KAZN: variants seen among roughly 807,000 people sequenced by gnomAD.
The protein encoded by KAZN is kazrin.
KAZN carries 40 observed loss-of-function variants against 87.4 expected under a neutral mutation model. The ratio of observed to expected loss-of-function variants is 0.46; its 90% confidence interval spans 0.36 to 0.60. KAZN has a LOEUF of 0.60. KAZN is among the 20% of genes least tolerant of loss of function. KAZN has a pLI of 0.00. For synonymous variants in KAZN, 466 were observed against 458.3 expected (o/e 1.02, Z -0.22); for missense variants, 898 against 1,073.9 (o/e 0.84, Z 2.29).
intron 2 of KAZN, among the ~76,000 whole-genome samples, chr1:14,477,155 G>A (rs1423772221): frequency 6.6e-6 from 1 of 152,062 alleles, no homozygotes; most frequent in Non-Finnish European, 1.5e-5. Flanking sequence ...TATGGGGGTG[G>A]GCCTTTCCTG....
intron 8 of KAZN, among the ~76,000 whole-genome samples, chr1:15,082,532 C>G (rs1640054450): frequency 1.3e-5 from 2 of 152,230 alleles, no homozygotes; most frequent in South Asian, 4.1e-4. Context: ...AGCACTAAGT[C>G]TTTCCCATAG....
chr1:14,240,984 A>G (rs1648886439), intron 2 of KAZN, among the ~76,000 whole-genome samples: 1 of 152,226 alleles, frequency 6.6e-6, no homozygotes, highest in African/African-American at 2.4e-5. Context: ...AACTTCTTCA[A>G]GTCTTCATTG....
In KAZN at chr1:14,678,287, G is replaced by A. The variant is rs891187484; in HGVS notation, c.226+79064G>A. Among the ~76,000 whole-genome samples, 15 of 152,134 alleles carry A rather than the reference G, an allele frequency of 9.9e-5. No homozygotes were observed. The South Asian group carries it at 1.2e-3, about 13-fold the overall frequency. On this transcript the variant is annotated intron_variant, in intron 1 of 14. Coordinates refer to ENST00000376030, the MANE Select transcript of KAZN (RefSeq NM_201628.3). ...AAGAAGCTGACTTGCTGAGTCTTCC[G>A]GCCTTCATCTTTCTCCCGTACTGGA...
intron 1 of KAZN, among the ~76,000 whole-genome samples, chr1:13,968,972 C>CT (rs1325454537): frequency 2.0e-5 from 3 of 152,284 alleles, no homozygotes; most frequent in African/African-American, 7.2e-5. Flanking sequence ...TAATAAGTAT[C>CT]TCAACTTATC....
intron 1 of KAZN, among the ~76,000 whole-genome samples, chr1:14,905,714 C>T (rs962007420): frequency 2.0e-5 from 3 of 151,128 alleles, no homozygotes; most frequent in East Asian, 3.9e-4. Flanking sequence ...CATGGTGGCA[C>T]GTGCCTGTAA....
At chr1:14,227,246 A>T (rs2100525251) in intron 2 of KAZN, among the ~76,000 whole-genome samples, 1 of 152,112 alleles carries the variant, frequency 6.6e-6, no homozygotes, top group South Asian at 2.1e-4. Context: ...CACAAACTAG[A>T]CCTCAGTGGC....
intron 2 of KAZN, among the ~76,000 whole-genome samples, chr1:15,002,210 C>A (rs902194909): frequency 2.6e-5 from 4 of 152,188 alleles, no homozygotes; most frequent in Non-Finnish European, 5.9e-5. Context: ...CGGTCACAGT[C>A]CTGTTCTTTC....
At chr1:14,592,579 T>A (rs750117651) in intron 2 of KAZN, among the ~76,000 whole-genome samples, 1 of 152,178 alleles carries the variant, frequency 6.6e-6, no homozygotes, top group Non-Finnish European at 1.5e-5. Context: ...GTGGTCTTCA[T>A]CTTCGCTTCG....
chr1:14,437,867 G>T (rs1195678045), intron 2 of KAZN, among the ~76,000 whole-genome samples: 1 of 152,094 alleles, frequency 6.6e-6, no homozygotes. Context: ...CAAAGAAAAT[G>T]AGAAAGAAAA....
intron 1 of KAZN, among the ~76,000 whole-genome samples, chr1:14,168,907 G>A (rs1645890338): frequency 6.6e-6 from 1 of 152,186 alleles, no homozygotes; most frequent in Admixed American, 6.5e-5. Context: ...TTCAGTAAGT[G>A]CTTAATAAAT....
At chr1:14,833,713 G>C (rs917921274) in intron 1 of KAZN, among the ~76,000 whole-genome samples, 3 of 152,112 alleles carry the variant, frequency 2.0e-5, no homozygotes, top group Admixed American at 6.5e-5. Context: ...AGCATGAGTG[G>C]TGACCAGGAG....
chr1:14,080,003 C>T (rs1237745109), intron 1 of KAZN, among the ~76,000 whole-genome samples: 1 of 149,370 alleles, frequency 6.7e-6, no homozygotes, highest in African/African-American at 2.5e-5. Flanking sequence ...TTCATGATCC[C>T]ATCAACTCTC....
intron 2 of KAZN, among the ~76,000 whole-genome samples, chr1:14,423,568 C>A (rs1557711785): frequency 6.6e-6 from 1 of 152,138 alleles, no homozygotes; most frequent in Non-Finnish European, 1.5e-5. Flanking sequence ...CGTGATAATA[C>A]CAGGTCTAGA....
At position 15,015,995 on chromosome 1, in the gene KAZN, C is replaced by T. The variant is rs545621429; in HGVS notation, c.419-18754C>T. On this transcript the variant is annotated intron_variant, in intron 2 of 14. Transcript: ENST00000376030. ...TGGTCCCTGGGTAGATACCTCCACCCGGAACCTGTGCACATGGCCTCATTT... is the reference window on the plus strand; with the variant it reads ...TGGTCCCTGGGTAGATACCTCCACCTGGAACCTGTGCACATGGCCTCATTT... 2.6e-5 allele frequency among the ~76,000 whole-genome samples: 4 copies of T among 152,284 alleles called. No homozygotes were observed. The East Asian group carries it at 5.8e-4, about 22-fold the overall frequency.
At chr1:14,135,115 G>A (rs1020639661) in intron 1 of KAZN, among the ~76,000 whole-genome samples, 2 of 152,082 alleles carry the variant, frequency 1.3e-5, no homozygotes, top group African/African-American at 4.8e-5. Context: ...AATTACTTTT[G>A]CACCAACCTG....
intron 2 of KAZN, among the ~76,000 whole-genome samples, chr1:15,009,711 TTGG>T (rs1669386886): frequency 6.6e-6 from 1 of 152,222 alleles, no homozygotes; most frequent in Non-Finnish European, 1.5e-5. Flanking sequence ...TCTGCTAGCC[TTGG>T]TGGCATTTTT....
intron 2 of KAZN, among the ~76,000 whole-genome samples, chr1:14,460,705 G>A (rs1295972401): frequency 3.3e-5 from 5 of 152,152 alleles, no homozygotes; most frequent in African/African-American, 1.2e-4. Flanking sequence ...AAGATAAGGA[G>A]TCCCTTCCTC....
chr1:14,897,422 GA>G (rs1655392363), intron 1 of KAZN, among the ~76,000 whole-genome samples: 1 of 152,124 alleles, frequency 6.6e-6, no homozygotes, highest in Non-Finnish European at 1.5e-5. Context: ...TTTGTTCCCA[GA>G]ACCCCTTTAC....
At chr1:14,129,772 A>G (rs1249701317) in intron 1 of KAZN, among the ~76,000 whole-genome samples, 3 of 152,184 alleles carry the variant, frequency 2.0e-5, no homozygotes, top group Non-Finnish European at 4.4e-5. Flanking sequence ...GAGAAGAGTG[A>G]GTGAGCGAGT....
Sources: gnomAD v4.1 joint callset for allele counts (sites outside exome capture counted in the v4.1 genomes callset) on GRCh38, gnomAD v4.1.1 for gene constraint, MANE v1.5 for transcripts, NCBI Gene and HGNC (gene_info 2026-07-23, HGNC 2026-07-21) for gene names.